Variants in ROBO2 observed in about 807,000 individuals in gnomAD.
ROBO2 encodes the protein roundabout homolog 2.
ROBO2 carries 53 observed loss-of-function variants against 160.8 expected under a neutral mutation model. The ratio of observed to expected loss-of-function variants is 0.33; its 90% CI spans 0.26 to 0.41. The LOEUF (loss-of-function observed/expected upper bound fraction) is 0.41, where lower values mean the gene tolerates loss of function less well. Ranked by LOEUF, ROBO2 falls within the 10% of genes least tolerant of loss-of-function variation. The probability of loss-of-function intolerance (pLI) is 1.00; values close to 1 mark genes in which losing one functional copy is unlikely to be tolerated. For synonymous variants in ROBO2, 664 were observed against 611.7 expected, an observed-to-expected ratio of 1.09 and a Z score of -1.26; for missense variants, 1,577 against 1,722.4, an observed-to-expected ratio of 0.92 and a Z score of 1.49.
intron 2 of ROBO2, among the ~76,000 whole-genome samples, chr3:77,261,959 T>C (rs1315202933): frequency 1.3e-5 from 2 of 152,026 alleles, no homozygotes; most frequent in Admixed American, 6.6e-5. Context: ...GTGAAGGAGA[T>C]AGGAGAAGGG....
intron 2 of ROBO2, among the ~76,000 whole-genome samples, chr3:76,080,381 C>G (rs1026354010): frequency 6.6e-6 from 1 of 152,214 alleles, no homozygotes; most frequent in Middle Eastern, 3.4e-3. Flanking sequence ...TTCTACTGTT[C>G]CCAAAGATCA....
intron 2 of ROBO2, among the ~76,000 whole-genome samples, chr3:76,644,688 A>G (rs951161984): frequency 3.3e-5 from 5 of 152,252 alleles, no homozygotes; most frequent in African/African-American, 7.2e-5. Flanking sequence ...AATGTAATAG[A>G]TGCTTGTTTC....
intron 2 of ROBO2, among the ~76,000 whole-genome samples, chr3:77,233,344 A>C (rs938388582): frequency 1.3e-5 from 2 of 152,102 alleles, no homozygotes; most frequent in Non-Finnish European, 2.9e-5. Context: ...TTTTGTCTTC[A>C]GCAGTTCTGT....
At chr3:76,429,580 CT>C (rs1007765485) in intron 2 of ROBO2, among the ~76,000 whole-genome samples, 1 of 152,116 alleles carries the variant, frequency 6.6e-6, no homozygotes, top group Admixed American at 6.5e-5. Context: ...GAATTTGGGT[CT>C]TCCATAAAAG....
At chr3:76,941,276 A>G (rs998839671) in intron 2 of ROBO2, among the ~76,000 whole-genome samples, 2 of 152,142 alleles carry the variant, frequency 1.3e-5, no homozygotes, top group African/African-American at 2.4e-5. Context: ...TCCACTTGTA[A>G]TATTTTATTT....
chr3:77,263,391 C>T (rs923716587), intron 2 of ROBO2, among the ~76,000 whole-genome samples: 4 of 152,200 alleles, frequency 2.6e-5, no homozygotes, highest in African/African-American at 7.2e-5. Context: ...TTTTCCTGAT[C>T]CTCTTCTTCC....
At chr3:77,448,310 T>C (rs1380274192) in intron 2 of ROBO2, among the ~76,000 whole-genome samples, 1 of 152,120 alleles carries the variant, frequency 6.6e-6, no homozygotes, top group Non-Finnish European at 1.5e-5. Context: ...CCCAGCTATA[T>C]AGCTGCCCCA....
At chr3:75,989,681 C>A (rs1324530237) in intron 2 of ROBO2, among the ~76,000 whole-genome samples, 1 of 152,200 alleles carries the variant, frequency 6.6e-6, no homozygotes, top group African/African-American at 2.4e-5. Context: ...CTCACTTCAG[C>A]TTTGCTGGAA....
At chr3:77,296,082 A>T (rs1389946207) in intron 2 of ROBO2, among the ~76,000 whole-genome samples, 1 of 145,972 alleles carries the variant, frequency 6.9e-6, no homozygotes, top group Non-Finnish European at 1.5e-5. Flanking sequence ...ATCACCCCAG[A>T]TATGAAGTAA....
chr3:77,352,897 C>T (rs1443336796), intron 2 of ROBO2, among the ~76,000 whole-genome samples: 1 of 152,166 alleles, frequency 6.6e-6, no homozygotes, highest in African/African-American at 2.4e-5. Context: ...TTGATTTAAA[C>T]AGCTCATTTC....
chr3:76,944,969 A>G (rs1032697946), intron 2 of ROBO2, among the ~76,000 whole-genome samples: 1 of 151,726 alleles, frequency 6.6e-6, no homozygotes, highest in Non-Finnish European at 1.5e-5. Context: ...GCTCACTGCA[A>G]ACTCTGCCTC....
chr3:76,893,530 CT>C (rs1342556976), intron 2 of ROBO2, among the ~76,000 whole-genome samples: 1 of 150,982 alleles, frequency 6.6e-6, no homozygotes, highest in African/African-American at 2.4e-5. Flanking sequence ...TTTCTTTTTT[CT>C]TTTTTATTGA....
At chr3:76,455,588 A>T (rs2109327799) in intron 2 of ROBO2, among the ~76,000 whole-genome samples, 1 of 152,262 alleles carries the variant, frequency 6.6e-6, no homozygotes, top group African/African-American at 2.4e-5. Flanking sequence ...AAAATTTAGA[A>T]ATTAGACAAA....
intron 2 of ROBO2, among the ~76,000 whole-genome samples, chr3:77,457,638 T>C (rs1388482758): frequency 2.0e-5 from 3 of 152,108 alleles, no homozygotes; most frequent in Non-Finnish European, 4.4e-5. Flanking sequence ...GACCCTTTTA[T>C]TTTATGTGCT....
intron 2 of ROBO2, among the ~76,000 whole-genome samples, chr3:76,114,918 G>A (rs1414038140): frequency 6.6e-6 from 1 of 152,026 alleles, no homozygotes; most frequent in African/African-American, 2.4e-5. Flanking sequence ...TGGGCACTCA[G>A]AAGGTGAGAT....
intron 2 of ROBO2, among the ~76,000 whole-genome samples, chr3:76,036,970 A>T (rs2067130314): frequency 6.6e-6 from 1 of 151,910 alleles, no homozygotes; most frequent in Admixed American, 6.6e-5. Flanking sequence ...CAGTGTGTTC[A>T]TTTATATTAC....
At chr3:76,854,021 TCTCTCTCTCTC>T (rs2069725743) in intron 2 of ROBO2, among the ~76,000 whole-genome samples, 1 of 3,260 alleles carries the variant, frequency 3.1e-4, no homozygotes, top group Non-Finnish European at 6.0e-4. Context: ...ATAGACTTTC[TCTCTCTCTCTC>T]TCTCTCTCTC....
intron 2 of ROBO2, among the ~76,000 whole-genome samples, chr3:77,033,568 C>A (rs1392618017): frequency 6.6e-6 from 1 of 151,994 alleles, no homozygotes; most frequent in Non-Finnish European, 1.5e-5. Flanking sequence ...GTTATAGAGG[C>A]AAGCTAAAAC....
At chr3:76,384,587 A>G (rs1333529734) in intron 2 of ROBO2, among the ~76,000 whole-genome samples, 1 of 152,152 alleles carries the variant, frequency 6.6e-6, no homozygotes. Flanking sequence ...TGGGTAATTT[A>G]TAAAGGAAAG....
Sources: gnomAD v4.1 joint callset for allele counts (sites outside exome capture counted in the v4.1 genomes callset) on GRCh38, gnomAD v4.1.1 for gene constraint, MANE v1.5 for transcripts, NCBI Gene and HGNC (gene_info 2026-07-23, HGNC 2026-07-21) for gene names.